OBI1: variants seen among roughly 807,000 people sequenced by gnomAD.
OBI1 encodes the protein ORC ubiquitin ligase 1, also known as ring finger protein 219.
OBI1 carries 59 observed loss-of-function variants against 62.4 expected under a neutral mutation model. That is an observed-to-expected ratio of 0.95 (90% CI 0.77 to 1.17). OBI1 has a LOEUF of 1.17. OBI1 is among the 50% of genes most tolerant of loss of function. The pLI, the probability that OBI1 is intolerant of heterozygous loss-of-function variation, is 0.00. For missense variants in OBI1, 875 were observed against 830.9 expected (o/e 1.05, Z -0.65); for synonymous variants, 302 against 292.8 (o/e 1.03, Z -0.32).
intron 5 of OBI1, among the ~76,000 whole-genome samples, chr13:78,632,507 C>G (rs1423036008): frequency 1.3e-5 from 2 of 151,994 alleles, no homozygotes; most frequent in African/African-American, 2.4e-5. Context: ...GAGACTAAGG[C>G]CAAGTGTATA....
At chr13:78,617,265 T>A (rs1875342084) in intron 5 of OBI1, 143 bp from the exon 6 acceptor site, 2 of 544,316 alleles carry the variant, frequency 3.7e-6, no homozygotes, top group African/African-American at 1.9e-5. Flanking sequence ...AAATGCCAGA[T>A]GTATATTTTC....
chr13:78,618,837 T>G (rs1481065238), intron 5 of OBI1, among the ~76,000 whole-genome samples: 2 of 152,178 alleles, frequency 1.3e-5, no homozygotes, highest in African/African-American at 4.8e-5. Flanking sequence ...GTTAAAAATG[T>G]TTTGGCTTAT....
chr13:78,656,799 T>A (rs1301835500), intron 1 of OBI1, among the ~76,000 whole-genome samples: 13 of 139,590 alleles, frequency 9.3e-5, no homozygotes, highest in South Asian at 2.4e-4. Context: ...TTAATTTTTT[T>A]TTTTTTTTTT....
chr13:78,615,641 GTTGA>G lies in OBI1; in HGVS notation c.2116_2119del (p.Ser706GlnfsTer58). 1 of 1,612,542 alleles carries G rather than the reference GTTGA, an allele frequency of 6.2e-7. No homozygotes were observed. Among genetic ancestry groups the G allele is most frequent in the Non-Finnish European group, 8.5e-7 (1 of 1,179,550 alleles). Reference sequence around the variant, plus strand: ...AAGGCTGCTCTGGATTTTTCTTTTTGTTGATTGATTCACATTTTTATTCCTCTTT... The same window carrying G: ...AAGGCTGCTCTGGATTTTTCTTTTTGTTGATTCACATTTTTATTCCTCTTT... On this transcript the variant is annotated frameshift_variant, in exon 6 of 6. Transcript: ENST00000282003. LOFTEE classifies it high-confidence loss of function.
intron 1 of OBI1, 21 bp downstream of exon 1, chr13:78,659,028 G>C (rs772846139): frequency 6.9e-5 from 111 of 1,608,148 alleles, no homozygotes; most frequent in Non-Finnish European, 9.2e-5. Flanking sequence ...TTTTGTAGCT[G>C]TGCCCACAAT....
At chr13:78,621,440 G>A (rs1193406574) in intron 5 of OBI1, among the ~76,000 whole-genome samples, 1 of 152,154 alleles carries the variant, frequency 6.6e-6, no homozygotes, top group Non-Finnish European at 1.5e-5. Context: ...CTGTTTTTCA[G>A]TTAACATACA....
chr13:78,641,651 T>C (rs1876218939), intron 3 of OBI1, among the ~76,000 whole-genome samples: 1 of 152,198 alleles, frequency 6.6e-6, no homozygotes, highest in African/African-American at 2.4e-5. Flanking sequence ...GCAGTTGACA[T>C]AAGGTATAGT....
chr13:78,652,024 C>T (rs139951880), intron 1 of OBI1, among the ~76,000 whole-genome samples: 102 of 152,266 alleles, frequency 6.7e-4, no homozygotes, highest in African/African-American at 2.3e-3. Context: ...CACCACAGGC[C>T]GACTGCTTGG....
chr13:78,657,279 A>G (rs1461817221), intron 1 of OBI1, among the ~76,000 whole-genome samples: 1 of 136,064 alleles, frequency 7.3e-6, no homozygotes, highest in East Asian at 2.1e-4. Flanking sequence ...AATAAAGTTA[A>G]CCAATACAGG....
chr13:78,635,208 C>T lies in OBI1; in HGVS notation c.550-10G>A, dbSNP rs1287277468. On this transcript the variant is annotated splice_polypyrimidine_tract_variant and intron_variant, in intron 4 of 5. Coordinates refer to ENST00000282003, the MANE Select transcript of OBI1 (RefSeq NM_024546.4). ...TCAATTTTTTATTTGCCTAAAATAA[C>T]AAATTGAAAATAAGTAAGCAAAAGC... 2 of 1,520,022 alleles carry T rather than the reference C, an allele frequency of 1.3e-6. No homozygotes were observed. The highest frequency in any genetic ancestry group is 4.5e-5 in the East Asian group (2 of 44,234). The allele number at this position is 1,520,022 out of a possible 1,614,324, so 94.2% of individuals were successfully genotyped here. A position where few individuals can be genotyped will look rare whatever the true frequency, so the allele number is the denominator to read the frequency against.
intron 5 of OBI1, among the ~76,000 whole-genome samples, chr13:78,617,844 A>G (rs1365070902): frequency 6.6e-6 from 1 of 152,056 alleles, no homozygotes; most frequent in Admixed American, 6.6e-5. Context: ...CAAAAAAAAA[A>G]ATTTTTTTGT....
rs74097365 is a variant in OBI1, at chr13:78,650,767, T to C, written c.73-5770A>G. ...TCAAAAAAAAAAAAAAAGGTAATAT[T>C]ACTATATCCAAGTGCCTAGGAGCCG... On this transcript the variant is annotated intron_variant, in intron 1 of 5. Transcript: ENST00000282003. Among the ~76,000 whole-genome samples the C allele has an allele frequency of 5.5e-3, 841 of 151,804 alleles. 5 individuals carry two copies. The highest frequency in any genetic ancestry group is 0.02 in the African/African-American group (817 of 41,356).
chr13:78,616,500 T>C lies in OBI1; in HGVS notation c.1261A>G (p.Asn421Asp), dbSNP rs1875294940. Residue 421 changes from asparagine to aspartate, a missense_variant, in exon 6 of 6, where the codon AAC becomes GAC. Asn to Asp is a conservative substitution (Grantham distance 23). Transcript: ENST00000282003. Reference sequence around the variant, plus strand: ...TCAAACACCAATTTTCTGAGATGGTTTGAGTGCTTTTTGGAACCTCCTGCT... The same window carrying C: ...TCAAACACCAATTTTCTGAGATGGTCTGAGTGCTTTTTGGAACCTCCTGCT... ...VQAGGSKKHS[N>D]HLRKLVFDDF... is the part of the protein sequence containing the mutation. 2 of 1,614,194 alleles carry C rather than the reference T, an allele frequency of 1.2e-6. No homozygotes were observed. The highest frequency in any genetic ancestry group is 1.7e-6 in the Non-Finnish European group (2 of 1,180,034).
In OBI1 at chr13:78,641,126, A is replaced by G. The variant is rs536336987; in HGVS notation, c.300+996T>C. On this transcript the variant is annotated intron_variant, in intron 3 of 5. Coordinates refer to ENST00000282003, the MANE Select transcript of OBI1 (RefSeq NM_024546.4). ...TTGAGGTTGTTAAAAATTCTGCTAG[A>G]AAATAAACCCCCAAGTAGCTCAAGT... is the stretch of plus-strand genomic sequence containing the variant. 3.9e-5 allele frequency among the ~76,000 whole-genome samples: 6 copies of G among 152,328 alleles called. No homozygotes were observed. In the South Asian group the frequency reaches 1.2e-3, roughly 32 times the overall value.
chr13:78,649,374 G>A (rs1876478555), intron 1 of OBI1, among the ~76,000 whole-genome samples: 1 of 152,144 alleles, frequency 6.6e-6, no homozygotes, highest in Admixed American at 6.5e-5. Context: ...CAAGAGAGAG[G>A]CAGCGGCCAG....
intron 1 of OBI1, among the ~76,000 whole-genome samples, chr13:78,657,308 A>T (rs1593804800): frequency 1.3e-5 from 2 of 152,172 alleles, no homozygotes; most frequent in South Asian, 2.1e-4. Flanking sequence ...AACACTAAAA[A>T]TGCCTGATGT....
intron 5 of OBI1, among the ~76,000 whole-genome samples, chr13:78,621,251 A>G (rs1875503112): frequency 6.6e-6 from 1 of 152,192 alleles, no homozygotes. Context: ...TCACCCAACA[A>G]TATGGTTCAA....
intron 1 of OBI1, among the ~76,000 whole-genome samples, 196 bp from the exon 2 acceptor site, chr13:78,645,193 A>G (rs1477311366): frequency 6.6e-6 from 1 of 152,022 alleles, no homozygotes; most frequent in Non-Finnish European, 1.5e-5. Context: ...ACTAGATGAG[A>G]TACTGGATCA....
intron 1 of OBI1, among the ~76,000 whole-genome samples, chr13:78,653,546 G>A (rs1370893966): frequency 6.6e-6 from 1 of 152,180 alleles, no homozygotes; most frequent in African/African-American, 2.4e-5. Flanking sequence ...AAAATCATGT[G>A]TTCTTTCAAC....
Sources: gnomAD v4.1 joint callset for allele counts (sites outside exome capture counted in the v4.1 genomes callset) on GRCh38, gnomAD v4.1.1 for gene constraint, MANE v1.5 for transcripts, NCBI Gene and HGNC (gene_info 2026-07-23, HGNC 2026-07-21) for gene names.